EDIL3: variants seen among roughly 807,000 people sequenced by gnomAD.
The protein encoded by EDIL3 is EGF like and discoidin domains 3, also known as EGF-like repeat and discoidin I-like domain-containing protein 3.
EDIL3 carries 37 observed loss-of-function variants against 67.4 expected under a neutral mutation model. That is an observed-to-expected ratio of 0.55 (90% CI 0.42 to 0.72). The LOEUF is 0.72. Among genes scored for constraint, EDIL3 ranks in the 30% least tolerant of loss-of-function variants. The probability of loss-of-function intolerance (pLI) is 0.00; values close to 1 mark genes in which losing one functional copy is unlikely to be tolerated. For missense variants in EDIL3, 527 were observed against 586.3 expected, an observed-to-expected ratio of 0.90 and a Z score of 1.04; for synonymous variants, 195 against 196.3, an observed-to-expected ratio of 0.99 and a Z score of 0.05.
chr5:84,186,491 G>T (rs1056533848), intron 3 of EDIL3, among the ~76,000 whole-genome samples: 1 of 151,858 alleles, frequency 6.6e-6, no homozygotes, highest in Admixed American at 6.6e-5. Flanking sequence ...ATCCAGTTTG[G>T]GTATCTCATT....
chr5:84,315,860 G>A (rs1746502313), intron 1 of EDIL3, among the ~76,000 whole-genome samples: 1 of 152,168 alleles, frequency 6.6e-6, no homozygotes, highest in African/African-American at 2.4e-5. Flanking sequence ...CAGCCAGAGA[G>A]AAAGGTCAAG....
chr5:84,132,712 A>G (rs900491163), intron 5 of EDIL3, among the ~76,000 whole-genome samples: 35 of 148,042 alleles, frequency 2.4e-4, no homozygotes, highest in African/African-American at 8.2e-4. Context: ...TAATGAGATA[A>G]GAAAATATTA....
chr5:84,063,440 T>C (rs1746578335), intron 8 of EDIL3, among the ~76,000 whole-genome samples: 1 of 152,136 alleles, frequency 6.6e-6, no homozygotes, highest in South Asian at 2.1e-4. Flanking sequence ...GGAAAATTAA[T>C]GGTACTAAAG....
At chr5:84,290,062 C>T (rs1005783311) in intron 1 of EDIL3, among the ~76,000 whole-genome samples, 1 of 152,108 alleles carries the variant, frequency 6.6e-6, no homozygotes, top group African/African-American at 2.4e-5. Flanking sequence ...AGGAACAAAA[C>T]ATTAATTTCC....
intron 5 of EDIL3, among the ~76,000 whole-genome samples, chr5:84,118,598 A>C (rs1323478575): frequency 6.6e-6 from 1 of 152,148 alleles, no homozygotes; most frequent in Non-Finnish European, 1.5e-5. Flanking sequence ...ACAGGTGCAA[A>C]AATCTCTACT....
chr5:84,343,725 C>T (rs1049705259), intron 1 of EDIL3, among the ~76,000 whole-genome samples: 1 of 152,008 alleles, frequency 6.6e-6, no homozygotes, highest in African/African-American at 2.4e-5. Context: ...ATAGAGATTG[C>T]TCTCTGTGGA....
At chr5:83,961,043 G>T (rs1452744455) in intron 10 of EDIL3, among the ~76,000 whole-genome samples, 1 of 150,968 alleles carries the variant, frequency 6.6e-6, no homozygotes, top group Non-Finnish European at 1.5e-5. Flanking sequence ...TGCTAAGGTA[G>T]CATTCATAAA....
chr5:84,204,991 T>C (rs991813201), intron 3 of EDIL3, among the ~76,000 whole-genome samples: 1 of 151,816 alleles, frequency 6.6e-6, no homozygotes, highest in Non-Finnish European at 1.5e-5. Flanking sequence ...CAGCTCACCA[T>C]AGCTTTGATC....
chr5:84,316,295 A>G (rs1047369346), intron 1 of EDIL3, among the ~76,000 whole-genome samples: 3 of 152,232 alleles, frequency 2.0e-5, no homozygotes, highest in Non-Finnish European at 4.4e-5. Context: ...TAAATGCCCC[A>G]GTTAAAAGAT....
Position 84,278,006 on chromosome 5 carries a change from C to T in EDIL3, c.68-23794G>A, listed in dbSNP as rs1360761897. On this transcript the variant is annotated intron_variant, in intron 1 of 10. Transcript: ENST00000296591. ...CTGTTTGTGTGTACCATATTTTCCC[C>T]AAATAACTCAAAGTGGTTATGTAAA... 2.6e-5 allele frequency among the ~76,000 whole-genome samples: 4 copies of T among 152,152 alleles called. No homozygotes were observed. The East Asian group carries it at 5.8e-4, about 22-fold the overall frequency.
intron 3 of EDIL3, among the ~76,000 whole-genome samples, chr5:84,209,733 G>A (rs547938382): frequency 5.9e-5 from 9 of 152,258 alleles, no homozygotes; most frequent in Non-Finnish European, 8.8e-5. Flanking sequence ...TTGGCAGTGC[G>A]GTAACACTGA....
chr5:84,046,497 A>G (rs765549276), intron 9 of EDIL3, among the ~76,000 whole-genome samples: 2 of 152,222 alleles, frequency 1.3e-5, no homozygotes, highest in Non-Finnish European at 2.9e-5. Flanking sequence ...TGGCTCTGCA[A>G]TCTTTAACAA....
intron 1 of EDIL3, among the ~76,000 whole-genome samples, chr5:84,288,057 A>G (rs1745844255): frequency 6.6e-6 from 1 of 152,164 alleles, no homozygotes; most frequent in Admixed American, 6.6e-5. Flanking sequence ...ACTAATCTGC[A>G]TCTCAAATTT....
chr5:84,230,149 GA>G (rs1446698898), intron 2 of EDIL3, among the ~76,000 whole-genome samples: 1 of 151,954 alleles, frequency 6.6e-6, no homozygotes, highest in African/African-American at 2.4e-5. Flanking sequence ...ATATTTGTTA[GA>G]AAAAAATTGA....
intron 10 of EDIL3, among the ~76,000 whole-genome samples, chr5:83,956,716 T>C (rs766546061): frequency 6.6e-6 from 1 of 151,598 alleles, no homozygotes; most frequent in African/African-American, 2.4e-5. Context: ...AAATTACAAG[T>C]AGAAAAGCAG....
chr5:84,238,145 C>CGGTGTGTG (rs1744714535), intron 2 of EDIL3, among the ~76,000 whole-genome samples: 1 of 151,738 alleles, frequency 6.6e-6, no homozygotes, highest in Non-Finnish European at 1.5e-5. Context: ...TCTTGGCAAA[C>CGGTGTGTG]GGTGTGTGTG....
chr5:84,211,671 C>T (rs1021700391), intron 3 of EDIL3, among the ~76,000 whole-genome samples: 1 of 152,182 alleles, frequency 6.6e-6, no homozygotes, highest in African/African-American at 2.4e-5. Context: ...GGGATGCCCA[C>T]AGCCAACACA....
intron 3 of EDIL3, among the ~76,000 whole-genome samples, chr5:84,203,637 A>T (rs1561219267): frequency 1.3e-5 from 2 of 152,218 alleles, no homozygotes; most frequent in African/African-American, 4.8e-5. Flanking sequence ...GAAAGGTCAC[A>T]TAACTGAGTG....
At chr5:84,310,122 T>C (rs1746354739) in intron 1 of EDIL3, among the ~76,000 whole-genome samples, 1 of 152,112 alleles carries the variant, frequency 6.6e-6, no homozygotes, top group Non-Finnish European at 1.5e-5. Flanking sequence ...CTACCACACA[T>C]CTTAAAATGA....
Sources: allele counts gnomAD v4.1 joint callset (sites outside exome capture counted in the v4.1 genomes callset), GRCh38; gene constraint gnomAD v4.1.1; transcripts MANE v1.5; gene names NCBI Gene and HGNC (gene_info 2026-07-23, HGNC 2026-07-21).